LINGO2: variants seen among roughly 807,000 people sequenced by gnomAD.
LINGO2 encodes leucine-rich repeat and immunoglobulin-like domain-containing nogo receptor-interacting protein 2.
In LINGO2, 14 loss-of-function variants were observed where a neutral mutation model predicts 30.6. The ratio of observed to expected loss-of-function variants is 0.46; its 90% confidence interval spans 0.30 to 0.72. The LOEUF (loss-of-function observed/expected upper bound fraction) is 0.72. Ranked by LOEUF, LINGO2 falls within the 30% of genes least tolerant of loss-of-function variation. The probability of loss-of-function intolerance (pLI) is 0.07; values close to 1 mark genes in which losing one functional copy is unlikely to be tolerated. For synonymous variants in LINGO2, 317 were observed against 288.5 expected, an observed-to-expected ratio of 1.10 and a Z score of -1.00; for missense variants, 729 against 751.7, an observed-to-expected ratio of 0.97 and a Z score of 0.35.
At chr9:28,809,472 G>A in the LINGO2 span, among the ~76,000 whole-genome samples, 621 of 152,266 alleles carry the variant, frequency 4.1e-3, 7 homozygotes, top group African/African-American at 0.014. Flanking sequence ...ATGGCTGGGC[G>A]TGGTGGCTCA....
the LINGO2 span, among the ~76,000 whole-genome samples, chr9:28,994,454 T>C: frequency 1.8e-4 from 28 of 151,682 alleles, no homozygotes; most frequent in African/African-American, 6.8e-4. Context: ...CAAGGTAATT[T>C]ATGGATTCAA....
chr9:28,041,632 G>A (rs1824199175), intron 4 of LINGO2, among the ~76,000 whole-genome samples: 1 of 152,028 alleles, frequency 6.6e-6, no homozygotes, highest in Non-Finnish European at 1.5e-5. Context: ...ACAAGAAAAA[G>A]TAAATCATGG....
At chr9:29,011,192 A>C in the LINGO2 span, among the ~76,000 whole-genome samples, 1 of 152,212 alleles carries the variant, frequency 6.6e-6, no homozygotes, top group Non-Finnish European at 1.5e-5. Context: ...TATAAAAATT[A>C]ATTATTAGAA....
the LINGO2 span, among the ~76,000 whole-genome samples, chr9:28,861,831 T>TA: frequency 4.0e-5 from 6 of 151,736 alleles, no homozygotes; most frequent in South Asian, 2.1e-4. Context: ...ATCTTAAAAA[T>TA]AAAAAAAGCG....
intron 4 of LINGO2, among the ~76,000 whole-genome samples, chr9:28,281,744 A>G (rs1355013931): frequency 1.3e-5 from 2 of 151,700 alleles, no homozygotes; most frequent in Non-Finnish European, 3.0e-5. Flanking sequence ...ACACTGTCCT[A>G]AGGCTAATCT....
intron 4 of LINGO2, among the ~76,000 whole-genome samples, chr9:28,157,473 G>A (rs1828164486): frequency 6.6e-6 from 1 of 152,170 alleles, no homozygotes; most frequent in Non-Finnish European, 1.5e-5. Flanking sequence ...TGATGCAAAG[G>A]GCTGCCATGA....
At chr9:27,962,449 A>G (rs1215386977) in intron 5 of LINGO2, among the ~76,000 whole-genome samples, 1 of 152,266 alleles carries the variant, frequency 6.6e-6, no homozygotes, top group Middle Eastern at 3.4e-3. Flanking sequence ...AGGTGGATCA[A>G]TTTCAGCTCC....
At chr9:28,677,695 T>A in the LINGO2 span, among the ~76,000 whole-genome samples, 2 of 152,182 alleles carry the variant, frequency 1.3e-5, no homozygotes, top group East Asian at 3.8e-4. Context: ...TCATATTCAT[T>A]AAAGCCCTTT....
rs191902760 is a variant in LINGO2 at position 28,639,052 on chromosome 9, T to C, written c.-365+31148A>G. 5.5e-3 allele frequency among the ~76,000 whole-genome samples: 830 copies of C among 152,278 alleles called. 10 individuals are homozygous for C. Among genetic ancestry groups the C allele is most frequent in the African/African-American group, 0.019 (801 of 41,576 alleles). ...TCTCGTTGGTTTCAAAGAACATCTT[T>C]ATTTCTGCCTTCATTTCATTATGTA... On this transcript the variant is annotated intron_variant, in intron 1 of 5. Coordinates refer to ENST00000379992, the Ensembl canonical transcript of LINGO2.
rs151145080 is a variant in LINGO2 at position 28,548,272 on chromosome 9, C to T, written c.-364-72247G>A. 2.1e-3 allele frequency among the ~76,000 whole-genome samples: 326 copies of T among 152,224 alleles called. 3 individuals carry two copies. The highest frequency in any genetic ancestry group is 0.013 in the Admixed American group (206 of 15,290). On this transcript the variant is annotated intron_variant, in intron 1 of 5. Transcript: ENST00000379992. ...CGTAGGATAAATGAAGCAACTGGGG[C>T]TTACACCTGTTTGAGGGGATATTCC...
At chr9:28,382,410 T>C (rs1821391031) in intron 2 of LINGO2, among the ~76,000 whole-genome samples, 1 of 152,162 alleles carries the variant, frequency 6.6e-6, no homozygotes, top group Admixed American at 6.6e-5. Context: ...TATTAAATGA[T>C]TTTAGTTAAA....
chr9:28,602,088 G>A (rs1414760716), intron 1 of LINGO2, among the ~76,000 whole-genome samples: 1 of 152,050 alleles, frequency 6.6e-6, no homozygotes, highest in Non-Finnish European at 1.5e-5. Context: ...GCACAACAAG[G>A]AGGCTAAGAA....
intron 5 of LINGO2, among the ~76,000 whole-genome samples, chr9:27,978,025 C>T (rs1820686267): frequency 6.6e-6 from 1 of 151,948 alleles, no homozygotes; most frequent in Non-Finnish European, 1.5e-5. Flanking sequence ...CTGCTCTTAG[C>T]TGCCTCTTGC....
rs183214296 is a variant in LINGO2, at chr9:28,165,261, A to G, written c.-87+129947T>C. Reference sequence around the variant, plus strand: ...ATTTGTTCAAAGCAGAAGTGAATCAATAGTGTGCTTTGGTCTCTTTCATGC... The same window carrying G: ...ATTTGTTCAAAGCAGAAGTGAATCAGTAGTGTGCTTTGGTCTCTTTCATGC... On this transcript the variant is annotated intron_variant, in intron 4 of 5. Coordinates refer to ENST00000379992, the Ensembl canonical transcript of LINGO2. Among the ~76,000 whole-genome samples the G allele has an allele frequency of 9.2e-5, 14 of 152,308 alleles. No individual in the cohort carries two copies. The East Asian group carries it at 2.1e-3, about 23-fold the overall frequency.
intron 1 of LINGO2, among the ~76,000 whole-genome samples, chr9:28,602,373 A>G (rs1016730865): frequency 2.0e-5 from 3 of 152,130 alleles, no homozygotes; most frequent in Admixed American, 6.6e-5. Context: ...TTTGGCCAAT[A>G]ATACATTTGG....
chr9:29,126,387 C>T, the LINGO2 span, among the ~76,000 whole-genome samples: 4 of 151,990 alleles, frequency 2.6e-5, no homozygotes, highest in Admixed American at 1.3e-4. Context: ...ATAAATAAAG[C>T]CTGTATAGCA....
At chr9:28,801,244 C>G in the LINGO2 span, among the ~76,000 whole-genome samples, 2 of 152,016 alleles carry the variant, frequency 1.3e-5, no homozygotes, top group East Asian at 3.9e-4. Flanking sequence ...CAAAGCTGTT[C>G]AAGATAGGTG....
chr9:28,379,496 T>C lies in LINGO2; in HGVS notation c.-278-6628A>G, dbSNP rs1022214469. Among the ~76,000 whole-genome samples, 3 of 152,124 alleles carry C rather than the reference T, an allele frequency of 2.0e-5. No individual in the cohort carries two copies. In the South Asian group the frequency reaches 6.2e-4, roughly 32 times the overall value. Reference sequence around the variant, plus strand: ...ATCTGTTTCTGTTCAACAATTTTACTTGAGTTACAAGTTAAATTTCGAGTA... The same window carrying C: ...ATCTGTTTCTGTTCAACAATTTTACCTGAGTTACAAGTTAAATTTCGAGTA... On this transcript the variant is annotated intron_variant, in intron 2 of 5. Transcript: ENST00000379992.
At chr9:28,322,256 T>A (rs1030785319) in intron 3 of LINGO2, among the ~76,000 whole-genome samples, 1 of 152,190 alleles carries the variant, frequency 6.6e-6, no homozygotes, top group African/African-American at 2.4e-5. Flanking sequence ...CACAAATGTT[T>A]CCTCATCAGA....
Sources: gnomAD v4.1 joint callset for allele counts (sites outside exome capture counted in the v4.1 genomes callset) on GRCh38, gnomAD v4.1.1 for gene constraint, MANE v1.5 for transcripts, NCBI Gene and HGNC (gene_info 2026-07-23, HGNC 2026-07-21) for gene names.